Variants in PPP1CB observed in about 807,000 individuals in gnomAD.
The protein encoded by PPP1CB is serine/threonine-protein phosphatase PP1-beta catalytic subunit.
In PPP1CB, 2 loss-of-function variants were observed where a neutral mutation model predicts 43.7. That is an observed-to-expected ratio of 0.05 (90% CI 0.02 to 0.14). The LOEUF is 0.14. Among genes scored for constraint, PPP1CB ranks in the 10% least tolerant of loss-of-function variants. The probability of loss-of-function intolerance (pLI) is 1.00; values close to 1 mark genes in which losing one functional copy is unlikely to be tolerated. For missense variants in PPP1CB, 84 were observed against 398.0 expected (o/e 0.21, Z 6.71); for synonymous variants, 136 against 135.6 (o/e 1.00, Z -0.02).
chr2:28,798,684 G>A (rs1226179609), intron 7 of PPP1CB, among the ~76,000 whole-genome samples: 3 of 152,210 alleles, frequency 2.0e-5, no homozygotes, highest in African/African-American at 4.8e-5. Context: ...GTTAGAGGAT[G>A]TGGAGAGCAG....
intron 1 of PPP1CB, among the ~76,000 whole-genome samples, chr2:28,753,528 A>G (rs1246838346): frequency 6.6e-6 from 1 of 152,162 alleles, no homozygotes; most frequent in Non-Finnish European, 1.5e-5. Flanking sequence ...CTATCAAGTT[A>G]TTCCTGGGAG....
chr2:28,784,735 G>T (rs1232227417), intron 5 of PPP1CB, among the ~76,000 whole-genome samples: 1 of 151,606 alleles, frequency 6.6e-6, no homozygotes, highest in Admixed American at 6.6e-5. Flanking sequence ...CCTGGCCAAC[G>T]TGATGAAACC....
Position 28,801,236 on chromosome 2 carries a change from C to G in PPP1CB, c.*1933C>G, listed in dbSNP as rs1290190644. ...TAACTTCCTGATTGGAGTGTGTAAGCTGAGCGATTTCTAATAAAATTTTAG... is the reference window on the plus strand; with the variant it reads ...TAACTTCCTGATTGGAGTGTGTAAGGTGAGCGATTTCTAATAAAATTTTAG... On this transcript the variant is annotated 3_prime_UTR_variant, in exon 8 of 8. Coordinates refer to ENST00000395366, the MANE Select transcript of PPP1CB (RefSeq NM_002709.3). 1.3e-5 allele frequency: 2 copies of G among 152,028 alleles called. No individual in the cohort carries two copies. Among genetic ancestry groups the G allele is most frequent in the Admixed American group, 1.3e-4 (2 of 15,262 alleles). The allele number at this position is 152,028 out of a possible 1,614,324, so 9.4% of individuals were successfully genotyped here. A position where few individuals can be genotyped will look rare whatever the true frequency, so the allele number is the denominator to read the frequency against.
At chr2:28,772,578 C>A (rs1330841965) in intron 1 of PPP1CB, among the ~76,000 whole-genome samples, 1 of 152,118 alleles carries the variant, frequency 6.6e-6, no homozygotes, top group African/African-American at 2.4e-5. Context: ...CATGGATATT[C>A]ATAGCATTTG....
chr2:28,756,575 C>A (rs1666493671), intron 1 of PPP1CB, among the ~76,000 whole-genome samples: 1 of 152,226 alleles, frequency 6.6e-6, no homozygotes, highest in Non-Finnish European at 1.5e-5. Flanking sequence ...CCTCGACTTC[C>A]TGGTCTCAAT....
At chr2:28,784,098 A>G (rs973451297) in intron 5 of PPP1CB, 120 bp downstream of exon 5, 35 of 664,874 alleles carry the variant, frequency 5.3e-5, no homozygotes, top group Non-Finnish European at 6.8e-5. Flanking sequence ...TTCATAGTCA[A>G]TAAGCCAGCT....
At chr2:28,781,394 ATAGTGTTAACTG>A (rs1030048571) in intron 3 of PPP1CB, among the ~76,000 whole-genome samples, 64 of 152,296 alleles carry the variant, frequency 4.2e-4, no homozygotes, top group African/African-American at 1.5e-3. Flanking sequence ...AAGATACAAT[ATAGTGTTAACTG>A]TAGTCACTGT....
In PPP1CB at chr2:28,778,230, G is replaced by A. The variant is rs145851209; in HGVS notation, c.185-579G>A. ...TCCATATTTGGTGTTAAAAAGTGAC[G>A]TAAGTTAAACTACCAGATAATAAAA... On this transcript the variant is annotated intron_variant, in intron 2 of 7. Coordinates refer to ENST00000395366, the MANE Select transcript of PPP1CB (RefSeq NM_002709.3). The A allele has an allele frequency of 2.5e-4, 91 of 369,286 alleles. No homozygotes were observed. The East Asian group carries it at 5.0e-3, about 20-fold the overall frequency. The allele number at this position is 369,286 out of a possible 1,614,324, so 22.9% of individuals were successfully genotyped here. A position where few individuals can be genotyped will look rare whatever the true frequency, so the allele number is the denominator to read the frequency against.
At chr2:28,791,869 C>T (rs1310258299) in intron 6 of PPP1CB, among the ~76,000 whole-genome samples, 2 of 152,048 alleles carry the variant, frequency 1.3e-5, no homozygotes, top group Admixed American at 6.5e-5. Flanking sequence ...TGCCAAAATC[C>T]TTCTATTGTG....
intron 1 of PPP1CB, among the ~76,000 whole-genome samples, chr2:28,753,293 C>A (rs1049855578): frequency 6.6e-6 from 1 of 152,140 alleles, no homozygotes; most frequent in Non-Finnish European, 1.5e-5. Flanking sequence ...TAGAGTGAAG[C>A]AGTATGTACT....
At chr2:28,754,153 TTA>T (rs1666422452) in intron 1 of PPP1CB, among the ~76,000 whole-genome samples, 1 of 152,142 alleles carries the variant, frequency 6.6e-6, no homozygotes, top group Non-Finnish European at 1.5e-5. Flanking sequence ...TAAAACAGAT[TTA>T]TGTTTTAAAA....
chr2:28,768,859 A>G (rs1015345736), intron 1 of PPP1CB, among the ~76,000 whole-genome samples: 1 of 152,200 alleles, frequency 6.6e-6, no homozygotes, highest in Admixed American at 6.5e-5. Context: ...AGAAGAAAGC[A>G]TGAGAGACTT....
chr2:28,784,012 A>G (rs1251547222), intron 5 of PPP1CB, 34 bp downstream of exon 5: 2 of 1,500,700 alleles, frequency 1.3e-6, no homozygotes, highest in Admixed American at 1.7e-5. Flanking sequence ...TGTTTTGTGT[A>G]AAGTGTTTTC....
chr2:28,780,666 T>G (rs548902142), intron 3 of PPP1CB, among the ~76,000 whole-genome samples: 2 of 152,346 alleles, frequency 1.3e-5, no homozygotes, highest in African/African-American at 4.8e-5. Context: ...CTTTGAGTTA[T>G]GTACTTACTC....
intron 1 of PPP1CB, among the ~76,000 whole-genome samples, chr2:28,772,342 G>A (rs1490646550): frequency 6.6e-6 from 1 of 152,098 alleles, no homozygotes; most frequent in Non-Finnish European, 1.5e-5. Context: ...GGTCCTCGGG[G>A]AAATCAAATT....
intron 1 of PPP1CB, among the ~76,000 whole-genome samples, chr2:28,756,846 A>G (rs1472720521): frequency 6.6e-6 from 1 of 152,212 alleles, no homozygotes; most frequent in African/African-American, 2.4e-5. Context: ...AAATCGATTA[A>G]TGAAAGCATA....
At chr2:28,779,548 A>C (rs1667106146) in intron 3 of PPP1CB, among the ~76,000 whole-genome samples, 1 of 152,204 alleles carries the variant, frequency 6.6e-6, no homozygotes, top group Non-Finnish European at 1.5e-5. Context: ...CTTTTTCATT[A>C]GTAGGAAATC....
intron 5 of PPP1CB, among the ~76,000 whole-genome samples, chr2:28,785,064 G>GTTTTTTTTTTTTTTTTTTTTTTTT (rs1558307639): frequency 1.1e-5 from 1 of 93,798 alleles, no homozygotes; most frequent in African/African-American, 4.1e-5. Flanking sequence ...TGTGTTAGGA[G>GTTTTTTTTTTTTTTTTTTTTTTTT]CTTTTTTTTT....
intron 1 of PPP1CB, among the ~76,000 whole-genome samples, chr2:28,754,978 C>A (rs1333049349): frequency 6.6e-6 from 1 of 152,312 alleles, no homozygotes; most frequent in South Asian, 2.1e-4. Context: ...ATACACACTT[C>A]TGGTGACTAC....
Sources: gnomAD v4.1 joint callset for allele counts (sites outside exome capture counted in the v4.1 genomes callset) on GRCh38, gnomAD v4.1.1 for gene constraint, MANE v1.5 for transcripts, NCBI Gene and HGNC (gene_info 2026-07-23, HGNC 2026-07-21) for gene names.